Variants in PPIL4 observed in about 807,000 individuals in gnomAD.
PPIL4 encodes peptidylprolyl isomerase like 4, also known as peptidyl-prolyl cis-trans isomerase-like 4.
PPIL4 carries 50 observed loss-of-function variants against 69.1 expected under a neutral mutation model. The ratio of observed to expected loss-of-function variants is 0.72; its 90% CI spans 0.58 to 0.92. The LOEUF is 0.92. Among genes scored for constraint, PPIL4 ranks in the 40% least tolerant of loss-of-function variants. PPIL4 has a pLI of 0.00. For synonymous variants in PPIL4, 193 were observed against 191.6 expected (o/e 1.01, Z -0.06); for missense variants, 480 against 587.9 (o/e 0.82, Z 1.90).
chr6:149,521,743 A>G (rs2115032154), intron 9 of PPIL4, among the ~76,000 whole-genome samples: 1 of 152,334 alleles, frequency 6.6e-6, no homozygotes, highest in South Asian at 2.1e-4. Flanking sequence ...ATGCATATAT[A>G]CAGTATTACC....
chr6:149,525,973 C>A lies in PPIL4; in HGVS notation c.803+679G>T, dbSNP rs568442868. Among the ~76,000 whole-genome samples, 4 of 152,216 alleles carry A rather than the reference C, an allele frequency of 2.6e-5. No individual in the cohort carries two copies. The Middle Eastern group carries it at 0.01, about 388-fold the overall frequency. ...AATTAGCTGGGCGTGTTGGCGCATG[C>A]CTGTAGTCCCAGCTACTCAGGAGGC... On this transcript the variant is annotated intron_variant, in intron 8 of 12. Transcript: ENST00000253329.
At chr6:149,521,653 C>G (rs1777031851) in intron 9 of PPIL4, among the ~76,000 whole-genome samples, 1 of 152,098 alleles carries the variant, frequency 6.6e-6, no homozygotes, top group South Asian at 2.1e-4. Context: ...TGTTTCACTG[C>G]AGAAATACTT....
chr6:149,544,514 G>T (rs1367691651), intron 1 of PPIL4, among the ~76,000 whole-genome samples: 2 of 152,174 alleles, frequency 1.3e-5, no homozygotes, highest in Non-Finnish European at 2.9e-5. Context: ...ATTCTTGAGC[G>T]AGGGCACGCT....
At chr6:149,536,880 C>A (rs1777285017) in intron 4 of PPIL4, among the ~76,000 whole-genome samples, 1 of 152,182 alleles carries the variant, frequency 6.6e-6, no homozygotes, top group African/African-American at 2.4e-5. Context: ...GTAATCCCAG[C>A]ACTTTAGGAG....
intron 6 of PPIL4, 66 bp from the exon 7 acceptor site, chr6:149,533,640 C>A (rs565163023): frequency 2.2e-6 from 2 of 890,786 alleles, no homozygotes; most frequent in East Asian, 2.6e-5. Flanking sequence ...ACATAGAAGA[C>A]ATACTTTATT....
At position 149,524,368 on chromosome 6, in the gene PPIL4, G is replaced by C. The variant is rs982928506; in HGVS notation, c.870+775C>G. Among the ~76,000 whole-genome samples the C allele has an allele frequency of 3.9e-5, 6 of 152,234 alleles. No homozygotes were observed. In the East Asian group the frequency reaches 1.2e-3, roughly 29 times the overall value. Reference sequence around the variant, plus strand: ...AGCAACATAAGCTATCATTATTACAGCTCTAGAAGGGGCCATCTATTCTAA... The same window carrying C: ...AGCAACATAAGCTATCATTATTACACCTCTAGAAGGGGCCATCTATTCTAA... On this transcript the variant is annotated intron_variant, in intron 9 of 12. Coordinates refer to ENST00000253329, the MANE Select transcript of PPIL4 (RefSeq NM_139126.4).
At chr6:149,522,550 A>G (rs910880769) in intron 9 of PPIL4, among the ~76,000 whole-genome samples, 1 of 152,198 alleles carries the variant, frequency 6.6e-6, no homozygotes, top group South Asian at 2.1e-4. Context: ...GCTGTGGGGC[A>G]GGACAACTTT....
intron 4 of PPIL4, among the ~76,000 whole-genome samples, chr6:149,536,720 C>G (rs1178573117): frequency 1.4e-5 from 2 of 138,610 alleles, no homozygotes; most frequent in Non-Finnish European, 3.0e-5. Context: ...AGGCCAGGCG[C>G]AGTGAATTAC....
intron 1 of PPIL4, 23 bp downstream of exon 1, chr6:149,545,908 CGACAG>C: frequency 6.4e-7 from 1 of 1,563,228 alleles, no homozygotes; most frequent in South Asian, 1.2e-5. Flanking sequence ...GGGGCCCCGG[CGACAG>C]GTGAGTGGGG....
At chr6:149,535,865 C>T in intron 4 of PPIL4, 127 bp from the exon 5 acceptor site, 2 of 607,834 alleles carry the variant, frequency 3.3e-6, no homozygotes, top group South Asian at 2.6e-5. Context: ...TTCTTAGACA[C>T]TTGTTACCAA....
At chr6:149,539,433 A>G (rs570935188) in intron 4 of PPIL4, among the ~76,000 whole-genome samples, 1 of 152,304 alleles carries the variant, frequency 6.6e-6, no homozygotes, top group East Asian at 1.9e-4. Context: ...GCTGGAGTGC[A>G]GTGGTACAAT....
chr6:149,542,712 T>G (rs1027143992), intron 1 of PPIL4, among the ~76,000 whole-genome samples: 1 of 152,148 alleles, frequency 6.6e-6, no homozygotes, highest in Non-Finnish European at 1.5e-5. Context: ...CTAGGGAAAT[T>G]AGAAAACCTC....
chr6:149,508,688 T>G (rs1325060325), intron 12 of PPIL4, among the ~76,000 whole-genome samples: 1 of 152,122 alleles, frequency 6.6e-6, no homozygotes, highest in East Asian at 1.9e-4. Context: ...TGAATACTTC[T>G]CAGCAAGGCA....
chr6:149,541,466 G>T, intron 2 of PPIL4, 35 bp from the exon 3 acceptor site: 1 of 1,536,778 alleles, frequency 6.5e-7, no homozygotes, highest in Non-Finnish European at 9.0e-7. Flanking sequence ...AATTCACAGA[G>T]TTTGTTAGAT....
chr6:149,512,427 T>C (rs1339121105), intron 11 of PPIL4, 125 bp from the exon 12 acceptor site: 1 of 603,660 alleles, frequency 1.7e-6, no homozygotes, highest in African/African-American at 1.9e-5. Context: ...CTCAAAAGAA[T>C]ATAGTACATT....
At chr6:149,517,821 T>C (rs184412718) in intron 10 of PPIL4, 9 of 170,640 alleles carry the variant, frequency 5.3e-5, no homozygotes, top group African/African-American at 1.9e-4. Flanking sequence ...TTGAGAGAAG[T>C]GAGACTTTAA....
chr6:149,542,298 T>C (rs935804345), intron 1 of PPIL4, among the ~76,000 whole-genome samples: 23 of 152,194 alleles, frequency 1.5e-4, no homozygotes, highest in Middle Eastern at 3.2e-3. Flanking sequence ...TTTTAAATAA[T>C]AGTTAAACAG....
rs558272578 is a variant in PPIL4, at chr6:149,517,548, G to C, written c.983-98C>G. On this transcript the variant is annotated intron_variant, in intron 10 of 12. Transcript: ENST00000253329. The stretch of plus-strand genomic sequence containing the variant: ...AAAGCATAAGAGCTATTTTATAAAT[G>C]GCATATATCGAGAGACAGAGAAAGG... The C allele has an allele frequency of 1.6e-5, 9 of 567,462 alleles. No individual in the cohort carries two copies. In the African/African-American group the frequency reaches 1.7e-4, roughly 11 times the overall value. 35.2% of individuals were successfully genotyped at this position (567,462 alleles called of 1,614,324 possible). A position where few individuals can be genotyped will look rare whatever the true frequency, so the allele number is the denominator to read the frequency against.
chr6:149,521,924 C>A (rs1777036436), intron 9 of PPIL4, among the ~76,000 whole-genome samples: 1 of 152,184 alleles, frequency 6.6e-6, no homozygotes. Context: ...CATATTTCAA[C>A]TCAGTACTGA....
Sources: allele counts gnomAD v4.1 joint callset (sites outside exome capture counted in the v4.1 genomes callset), GRCh38; gene constraint gnomAD v4.1.1; transcripts MANE v1.5; gene names NCBI Gene and HGNC (gene_info 2026-07-23, HGNC 2026-07-21).